Variants in RBFOX2 observed in about 807,000 individuals in gnomAD.
RBFOX2 encodes RNA binding protein fox-1 homolog 2.
RBFOX2 carries 10 observed loss-of-function variants against 49.1 expected under a neutral mutation model. That is an observed-to-expected ratio of 0.20 (90% CI 0.13 to 0.35). RBFOX2 has a LOEUF of 0.35. RBFOX2 is among the 10% of genes least tolerant of loss of function. The pLI, the probability that RBFOX2 is intolerant of heterozygous loss-of-function variation, is 1.00. For missense variants in RBFOX2, 323 were observed against 486.9 expected (o/e 0.66, Z 3.17); for synonymous variants, 183 against 187.4 (o/e 0.98, Z 0.19).
chr22:36,002,332 G>A (rs748151412), intron 1 of RBFOX2, among the ~76,000 whole-genome samples: 4 of 151,976 alleles, frequency 2.6e-5, no homozygotes. Flanking sequence ...GCAAAAGACT[G>A]GAAACGACCT....
chr22:35,800,818 G>T (rs1949646018), intron 2 of RBFOX2, among the ~76,000 whole-genome samples: 1 of 152,130 alleles, frequency 6.6e-6, no homozygotes, highest in Non-Finnish European at 1.5e-5. Context: ...AACTTAGGAA[G>T]ACAAAAGTCA....
intron 1 of RBFOX2, among the ~76,000 whole-genome samples, chr22:35,946,254 G>A (rs1239835111): frequency 6.6e-6 from 1 of 152,100 alleles, no homozygotes; most frequent in Non-Finnish European, 1.5e-5. Flanking sequence ...TACAACTCCT[G>A]ACTCTCAAAT....
At chr22:35,768,438 A>G in intron 4 of RBFOX2, 89 bp from the exon 6 acceptor site, 1 of 1,183,450 alleles carries the variant, frequency 8.4e-7, no homozygotes, top group Non-Finnish European at 1.2e-6. Context: ...ATATCATAGT[A>G]TGAAACTGAC....
chr22:35,868,475 C>A (rs115842425), intron 1 of RBFOX2, among the ~76,000 whole-genome samples: 2 of 151,968 alleles, frequency 1.3e-5, no homozygotes, highest in African/African-American at 4.8e-5. Flanking sequence ...AATAGGCAGG[C>A]GTGGTGGCTG....
chr22:35,957,535 T>G (rs945373131), intron 1 of RBFOX2, among the ~76,000 whole-genome samples: 5 of 152,334 alleles, frequency 3.3e-5, no homozygotes, highest in African/African-American at 9.6e-5. Flanking sequence ...TTTCTCAAGG[T>G]TACAGAGCTA....
chr22:35,972,130 G>A (rs947220299), intron 1 of RBFOX2, among the ~76,000 whole-genome samples: 5 of 151,926 alleles, frequency 3.3e-5, no homozygotes, highest in African/African-American at 1.2e-4. Flanking sequence ...CTAGAGCCCA[G>A]AAACCCCCCA....
chr22:35,936,508 C>A (rs549986689), intron 1 of RBFOX2, among the ~76,000 whole-genome samples: 54 of 152,282 alleles, frequency 3.5e-4, no homozygotes, highest in South Asian at 1.2e-3. Context: ...TCAAATACAA[C>A]AAGCAGCTAT....
At chr22:36,015,329 T>C (rs1490522547) in intron 1 of RBFOX2, among the ~76,000 whole-genome samples, 1 of 152,260 alleles carries the variant, frequency 6.6e-6, no homozygotes, top group African/African-American at 2.4e-5. Context: ...AGCAGTACTC[T>C]GCATTCTTTT....
exon 12 of RBFOX2, chr22:35,743,829 A>G (rs1430525551): frequency 1.1e-5 from 2 of 179,640 alleles, no homozygotes; most frequent in Non-Finnish European, 2.3e-5. Flanking sequence ...TTCTGATCAG[A>G]TGCATTTATC....
At chr22:35,864,510 G>T (rs1272177414) in intron 1 of RBFOX2, among the ~76,000 whole-genome samples, 1 of 152,202 alleles carries the variant, frequency 6.6e-6, no homozygotes, top group Non-Finnish European at 1.5e-5. Flanking sequence ...TTTACTGGTT[G>T]CTGAATCAAT....
At chr22:35,949,627 T>C (rs1468932438) in intron 1 of RBFOX2, among the ~76,000 whole-genome samples, 1 of 152,246 alleles carries the variant, frequency 6.6e-6, no homozygotes, top group Non-Finnish European at 1.5e-5. Context: ...TTTTGATTTA[T>C]ATTTCCTTTA....
At chr22:35,814,692 CAG>C (rs1372389188) in intron 1 of RBFOX2, among the ~76,000 whole-genome samples, 2 of 110,718 alleles carry the variant, frequency 1.8e-5, no homozygotes, top group African/African-American at 3.7e-5. Context: ...GCCTGGGCGA[CAG>C]AGTGGAACCC....
intron 9 of RBFOX2, 80 bp from the exon 12 acceptor site, chr22:35,746,641 G>C: frequency 1.3e-6 from 1 of 797,166 alleles, no homozygotes; most frequent in African/African-American, 1.8e-5. Flanking sequence ...CCCACACACA[G>C]ACGTACACAC....
At chr22:36,000,960 G>C (rs1239762745) in intron 1 of RBFOX2, among the ~76,000 whole-genome samples, 1 of 152,038 alleles carries the variant, frequency 6.6e-6, no homozygotes, top group African/African-American at 2.4e-5. Flanking sequence ...TTAGGAAACT[G>C]AGGTTCTGAC....
chr22:35,749,042 G>A lies in RBFOX2; in HGVS notation c.888-2481C>T, dbSNP rs559313924. On this transcript the variant is annotated intron_variant, in intron 9 of 11. Coordinates refer to ENST00000405409, the Ensembl canonical transcript of RBFOX2. The surrounding 1 kb of genome is among the most constrained non-coding windows in gnomAD (Gnocchi z 4.1). ...TACAGGAAGCCATAGGAACCTTGGT[G>A]GTTTAGGAGTAATGTTACTGCTAAT... 6.6e-6 allele frequency among the ~76,000 whole-genome samples: 1 copy of A among 152,204 alleles called. No homozygotes were observed. The highest frequency in any genetic ancestry group is 1.5e-5 in the Non-Finnish European group (1 of 68,034).
intron 1 of RBFOX2, among the ~76,000 whole-genome samples, chr22:35,857,547 G>T (rs2042650057): frequency 6.6e-6 from 1 of 152,158 alleles, no homozygotes; most frequent in African/African-American, 2.4e-5. Flanking sequence ...TGGTAGAGAA[G>T]GTATAACAGG....
rs1224901851 is a variant in RBFOX2, at chr22:35,922,023, AG to A, written c.-34+16823del. 3.3e-5 allele frequency among the ~76,000 whole-genome samples: 5 copies of A among 152,150 alleles called. No homozygotes were observed. In the South Asian group the frequency reaches 1.0e-3, roughly 32 times the overall value. ...GGTTTCCAGTTAGAAAATTTTCCTA[AG>A]CCCATATGTAGGCAAGACAGACCTT... On this transcript the variant is annotated intron_variant, in intron 1 of 13. Coordinates refer to the RBFOX2 transcript ENST00000359369.
chr22:35,952,767 G>C (rs2055092207), intron 1 of RBFOX2, among the ~76,000 whole-genome samples: 1 of 152,116 alleles, frequency 6.6e-6, no homozygotes, highest in Non-Finnish European at 1.5e-5. Context: ...AGCTGCTGTG[G>C]AAAAGAGATT....
upstream of RBFOX2, chr22:35,939,081 A>T (rs2053426452): frequency 1.4e-6 from 1 of 703,704 alleles, no homozygotes; most frequent in Non-Finnish European, 2.6e-6. Flanking sequence ...GCAAAAACAA[A>T]AAACAGTATT....
Sources: gnomAD v4.1 joint callset for allele counts (sites outside exome capture counted in the v4.1 genomes callset) on GRCh38, gnomAD v4.1.1 for gene constraint, Gnocchi (gnomAD v3.1) non-coding constraint, MANE v1.5 for transcripts, NCBI Gene and HGNC (gene_info 2026-07-23, HGNC 2026-07-21) for gene names.